Variants in MAD1L1 observed in about 807,000 individuals in gnomAD.
MAD1L1 encodes the protein mitotic arrest deficient 1 like 1.
A neutral mutation model predicts 96.9 loss-of-function variants in MAD1L1; 95 were observed. The ratio of observed to expected loss-of-function variants is 0.98; its 90% CI spans 0.83 to 1.16. MAD1L1 has a LOEUF of 1.16. MAD1L1 is among the 50% of genes most tolerant of loss of function. The probability of loss-of-function intolerance (pLI) is 0.00; values close to 1 mark genes in which losing one functional copy is unlikely to be tolerated. For synonymous variants in MAD1L1, 473 were observed against 396.6 expected (o/e 1.19, Z -2.29); for missense variants, 1,007 against 954.4 (o/e 1.06, Z -0.73).
rs570929502 is a variant in MAD1L1, at chr7:1,983,612, C to T, written c.1417-3071G>A. ...TTTAATTTTTGCTTTTCTTTCCCATCGAGGTATACATAATTTACACGCAGT... is the reference window on the plus strand; with the variant it reads ...TTTAATTTTTGCTTTTCTTTCCCATTGAGGTATACATAATTTACACGCAGT... On this transcript the variant is annotated intron_variant, in intron 14 of 18. Coordinates refer to ENST00000265854, the MANE Select transcript of MAD1L1 (RefSeq NM_001013836.2). 1.3e-4 allele frequency among the ~76,000 whole-genome samples: 20 copies of T among 152,314 alleles called. No homozygotes were observed. In the South Asian group the frequency reaches 1.9e-3, roughly 14 times the overall value.
intron 11 of MAD1L1, among the ~76,000 whole-genome samples, chr7:2,137,679 C>T (rs968558237): frequency 6.6e-6 from 1 of 152,206 alleles, no homozygotes; most frequent in Admixed American, 6.5e-5. Flanking sequence ...GGAAACAGAG[C>T]GCTTTCCCCA....
intron 10 of MAD1L1, among the ~76,000 whole-genome samples, chr7:2,212,452 C>T (rs903942074): frequency 1.3e-5 from 2 of 152,146 alleles, no homozygotes; most frequent in Non-Finnish European, 2.9e-5. Context: ...AGTGGGGCCC[C>T]GTGGGAAGTG....
chr7:1,874,809 A>C (rs1161503397), intron 18 of MAD1L1, among the ~76,000 whole-genome samples: 1 of 151,980 alleles, frequency 6.6e-6, no homozygotes, highest in Non-Finnish European at 1.5e-5. Context: ...GTAGGATGGT[A>C]GAGAGGAGGG....
intron 13 of MAD1L1, among the ~76,000 whole-genome samples, chr7:2,010,036 G>A (rs1184040243): frequency 6.7e-6 from 1 of 148,680 alleles, no homozygotes; most frequent in African/African-American, 2.5e-5. Flanking sequence ...TAAACCCCTT[G>A]GCCCACTTTT....
At chr7:2,041,217 A>C (rs1342980054) in intron 12 of MAD1L1, among the ~76,000 whole-genome samples, 2 of 152,206 alleles carry the variant, frequency 1.3e-5, no homozygotes, top group Non-Finnish European at 2.9e-5. Flanking sequence ...CAGTTACTTC[A>C]GAAAATCCGA....
intron 15 of MAD1L1, among the ~76,000 whole-genome samples, chr7:1,964,843 T>TA (rs1780093478): frequency 6.6e-6 from 1 of 152,160 alleles, no homozygotes; most frequent in Admixed American, 6.5e-5. Flanking sequence ...AAAAGATGCA[T>TA]AATGGGGGCG....
chr7:1,911,480 C>A (rs1375622363), intron 17 of MAD1L1, among the ~76,000 whole-genome samples: 1 of 152,202 alleles, frequency 6.6e-6, no homozygotes, highest in Non-Finnish European at 1.5e-5. Context: ...CTGTCCTCTG[C>A]CGCTACAAGT....
At chr7:1,966,570 AAAAAAAC>A (rs1216203029) in intron 15 of MAD1L1, among the ~76,000 whole-genome samples, 2,217 of 143,186 alleles carry the variant, frequency 0.015, 66 homozygotes, top group African/African-American at 0.053. Flanking sequence ...CAAAAAAAAA[AAAAAAAC>A]AAAAAAAATC....
chr7:2,129,741 A>C (rs1285311515), intron 11 of MAD1L1, among the ~76,000 whole-genome samples: 1 of 152,228 alleles, frequency 6.6e-6, no homozygotes. Flanking sequence ...TTTTACACGC[A>C]TGTCAGAGAC....
At chr7:2,116,267 C>CTG (rs1358393765) in intron 11 of MAD1L1, among the ~76,000 whole-genome samples, 1 of 152,196 alleles carries the variant, frequency 6.6e-6, no homozygotes, top group African/African-American at 2.4e-5. Flanking sequence ...GGGCAGGCGG[C>CTG]TGTGTGTGTG....
intron 17 of MAD1L1, among the ~76,000 whole-genome samples, chr7:1,933,850 G>C (rs980683561): frequency 2.0e-5 from 3 of 152,146 alleles, no homozygotes; most frequent in African/African-American, 7.2e-5. Flanking sequence ...TCAGTCAGTG[G>C]CATCCCTCCC....
intron 18 of MAD1L1, among the ~76,000 whole-genome samples, chr7:1,894,256 C>A (rs541274601): frequency 6.6e-6 from 1 of 152,306 alleles, no homozygotes; most frequent in East Asian, 1.9e-4. Flanking sequence ...CTCAGGAGGC[C>A]AACGGCCTCA....
chr7:2,157,908 G>T (rs1280884625), intron 10 of MAD1L1, among the ~76,000 whole-genome samples: 1 of 152,168 alleles, frequency 6.6e-6, no homozygotes. Context: ...AGGAGGAGCC[G>T]TGCCAAGTAT....
At chr7:1,873,462 T>C (rs1003149355) in intron 18 of MAD1L1, among the ~76,000 whole-genome samples, 1 of 137,796 alleles carries the variant, frequency 7.3e-6, no homozygotes, top group Non-Finnish European at 1.6e-5. Context: ...GAGGGGCAGG[T>C]GGGGAGCCCT....
intron 11 of MAD1L1, among the ~76,000 whole-genome samples, chr7:2,102,292 CTGTCACCAT>C (rs1786833831): frequency 1.3e-5 from 1 of 77,638 alleles, no homozygotes; most frequent in Non-Finnish European, 3.9e-5. Flanking sequence ...ACCACCGCCA[CTGTCACCAT>C]CACCACCGTC....
At chr7:2,137,496 A>T (rs1788810639) in intron 11 of MAD1L1, among the ~76,000 whole-genome samples, 1 of 152,114 alleles carries the variant, frequency 6.6e-6, no homozygotes, top group Non-Finnish European at 1.5e-5. Flanking sequence ...CATGCAAGTG[A>T]GGGGCCCACA....
intron 11 of MAD1L1, among the ~76,000 whole-genome samples, chr7:2,109,862 C>T (rs1424046735): frequency 6.6e-6 from 1 of 152,170 alleles, no homozygotes; most frequent in Non-Finnish European, 1.5e-5. Flanking sequence ...CTAATTATTC[C>T]TTTGAATCCG....
At chr7:2,161,727 G>A (rs1011256906) in intron 10 of MAD1L1, among the ~76,000 whole-genome samples, 1 of 151,634 alleles carries the variant, frequency 6.6e-6, no homozygotes, top group Non-Finnish European at 1.5e-5. Flanking sequence ...GCCCCGTCTG[G>A]GATGTGAAGA....
intron 18 of MAD1L1, among the ~76,000 whole-genome samples, chr7:1,887,469 G>A (rs1343571178): frequency 6.6e-6 from 1 of 151,092 alleles, no homozygotes; most frequent in African/African-American, 2.4e-5. Flanking sequence ...ACATGTGCAT[G>A]CATGTGGCTG....
Sources: allele counts gnomAD v4.1 joint callset (sites outside exome capture counted in the v4.1 genomes callset), GRCh38; gene constraint gnomAD v4.1.1; transcripts MANE v1.5; gene names NCBI Gene and HGNC (gene_info 2026-07-23, HGNC 2026-07-21).